ZBTB20: variants seen among roughly 807,000 people sequenced by gnomAD.
ZBTB20 encodes the protein zinc finger and BTB domain-containing protein 20.
In ZBTB20, 9 loss-of-function variants were observed where a neutral mutation model predicts 56.9. That is an observed-to-expected ratio of 0.16 (90% confidence interval 0.10 to 0.28). The LOEUF (loss-of-function observed/expected upper bound fraction) is 0.28. Among genes scored for constraint, ZBTB20 ranks in the 10% least tolerant of loss-of-function variants. ZBTB20 has a pLI of 1.00. For synonymous variants in ZBTB20, 417 were observed against 420.7 expected (o/e 0.99, Z 0.11); for missense variants, 655 against 1,003.0 (o/e 0.65, Z 4.69).
chr3:114,451,770 C>T (rs935263866), intron 7 of ZBTB20, among the ~76,000 whole-genome samples: 2 of 152,140 alleles, frequency 1.3e-5, no homozygotes, highest in African/African-American at 2.4e-5. Context: ...AGCGGATTGC[C>T]TACAGGAAGA....
At chr3:114,585,755 A>C (rs2055118326) in intron 6 of ZBTB20, among the ~76,000 whole-genome samples, 1 of 152,222 alleles carries the variant, frequency 6.6e-6, no homozygotes. Flanking sequence ...AATGAAGGTC[A>C]AAATGGCAGC....
At chr3:115,099,951 T>C (rs1173725754) in intron 1 of ZBTB20, among the ~76,000 whole-genome samples, 1 of 152,108 alleles carries the variant, frequency 6.6e-6, no homozygotes, top group Non-Finnish European at 1.5e-5. Context: ...GTAACAAAAC[T>C]GAATCACAAG....
At chr3:114,649,107 G>A (rs1044720441) in intron 6 of ZBTB20, among the ~76,000 whole-genome samples, 4 of 151,864 alleles carry the variant, frequency 2.6e-5, no homozygotes, top group Admixed American at 6.5e-5. Flanking sequence ...TGACAGAGGA[G>A]CCAAAAAGAT....
At chr3:114,763,461 A>C (rs1023472831) in intron 5 of ZBTB20, among the ~76,000 whole-genome samples, 1 of 152,282 alleles carries the variant, frequency 6.6e-6, no homozygotes, top group Admixed American at 6.5e-5. Flanking sequence ...GATAATGTGG[A>C]TCAAGTGTTT....
chr3:115,108,263 A>G (rs1253826362), intron 1 of ZBTB20, among the ~76,000 whole-genome samples: 1 of 152,186 alleles, frequency 6.6e-6, no homozygotes, highest in Non-Finnish European at 1.5e-5. Context: ...AATCTATAAC[A>G]TAAGTGTTTG....
At chr3:115,088,393 C>T (rs1444936975) in intron 1 of ZBTB20, among the ~76,000 whole-genome samples, 1 of 151,632 alleles carries the variant, frequency 6.6e-6, no homozygotes, top group South Asian at 2.1e-4. Flanking sequence ...AAGACCATAA[C>T]CCTGGTTAGA....
At chr3:114,775,977 C>A (rs1560236070) in intron 5 of ZBTB20, among the ~76,000 whole-genome samples, 1 of 151,838 alleles carries the variant, frequency 6.6e-6, no homozygotes. Context: ...TTTCTTCAAC[C>A]CTGTAAAATC....
chr3:114,944,398 C>T (rs542290217), intron 3 of ZBTB20, among the ~76,000 whole-genome samples: 1 of 145,354 alleles, frequency 6.9e-6, no homozygotes, highest in Admixed American at 6.6e-5. Flanking sequence ...AAATTGGGTA[C>T]AGCCATTATG....
intron 2 of ZBTB20, among the ~76,000 whole-genome samples, chr3:115,034,905 C>A (rs987282648): frequency 6.6e-6 from 1 of 151,888 alleles, no homozygotes; most frequent in Admixed American, 6.6e-5. Flanking sequence ...CAGAAATAAA[C>A]CCTCACCAGT....
chr3:114,819,962 G>A (rs2073146338), intron 4 of ZBTB20, among the ~76,000 whole-genome samples: 9 of 151,798 alleles, frequency 5.9e-5, no homozygotes, highest in Admixed American at 4.6e-4. Flanking sequence ...ATGTAAACTA[G>A]TTATTTTGCC....
At chr3:115,092,377 G>A (rs1008580954) in intron 1 of ZBTB20, among the ~76,000 whole-genome samples, 1 of 151,976 alleles carries the variant, frequency 6.6e-6, no homozygotes, top group African/African-American at 2.4e-5. Flanking sequence ...AAATTTGTAA[G>A]AGACAGAATA....
intron 3 of ZBTB20, among the ~76,000 whole-genome samples, chr3:114,973,247 T>A (rs1239958277): frequency 6.6e-6 from 1 of 152,192 alleles, no homozygotes; most frequent in African/African-American, 2.4e-5. Flanking sequence ...TTCTCTGACA[T>A]TTGGTTTTAT....
In ZBTB20 at chr3:114,446,025, C is replaced by T. The variant is rs186916030; in HGVS notation, c.-255+54327G>A. 9.9e-4 allele frequency among the ~76,000 whole-genome samples: 150 copies of T among 152,088 alleles called. 1 individual carries two copies. The highest frequency in any genetic ancestry group is 1.2e-3 in the Admixed American group (19 of 15,274). Reference sequence around the variant, plus strand: ...AGTTCACTGCGACAATCTATATATTCCTTAACGTTTGTTCTTTTTATGGTC... The same window carrying T: ...AGTTCACTGCGACAATCTATATATTTCTTAACGTTTGTTCTTTTTATGGTC... On this transcript the variant is annotated intron_variant, in intron 7 of 11. Transcript: ENST00000675478.
intron 7 of ZBTB20, among the ~76,000 whole-genome samples, chr3:114,457,733 T>A (rs2092106033): frequency 6.6e-6 from 1 of 152,098 alleles, no homozygotes; most frequent in African/African-American, 2.4e-5. Flanking sequence ...ACTACCAATA[T>A]CCGCATTTCA....
At chr3:114,953,452 C>G (rs1317079160) in intron 3 of ZBTB20, among the ~76,000 whole-genome samples, 2 of 150,138 alleles carry the variant, frequency 1.3e-5, no homozygotes, top group African/African-American at 4.9e-5. Context: ...TTTTAATGAC[C>G]CAATTATACA....
At chr3:114,886,659 CAG>C (rs2076612754) in intron 4 of ZBTB20, among the ~76,000 whole-genome samples, 3 of 152,136 alleles carry the variant, frequency 2.0e-5, no homozygotes, top group Non-Finnish European at 4.4e-5. Flanking sequence ...AGTCCATCTG[CAG>C]AGTTAGTGAC....
intron 11 of ZBTB20, among the ~76,000 whole-genome samples, chr3:114,347,035 G>T (rs1026306706): frequency 1.4e-4 from 19 of 138,502 alleles, no homozygotes; most frequent in African/African-American, 5.1e-4. Context: ...AGCAGTACAA[G>T]ATTTTAATTG....
At chr3:114,809,150 G>A (rs2072334869) in intron 4 of ZBTB20, among the ~76,000 whole-genome samples, 1 of 151,562 alleles carries the variant, frequency 6.6e-6, no homozygotes, top group Non-Finnish European at 1.5e-5. Flanking sequence ...ATGTGTCTAT[G>A]TACAGATTTT....
intron 4 of ZBTB20, among the ~76,000 whole-genome samples, chr3:114,831,111 T>C (rs1221052090): frequency 1.4e-5 from 2 of 146,002 alleles, no homozygotes; most frequent in East Asian, 2.0e-4. Flanking sequence ...TTTTTTTTTT[T>C]TTTAGTATCC....
Sources: allele counts gnomAD v4.1 joint callset (sites outside exome capture counted in the v4.1 genomes callset), GRCh38; gene constraint gnomAD v4.1.1; transcripts MANE v1.5; gene names NCBI Gene and HGNC (gene_info 2026-07-23, HGNC 2026-07-21).